Variants in XIRP1 observed in about 807,000 individuals in gnomAD.
The protein encoded by XIRP1 is xin actin binding repeat containing 1, also known as xin actin-binding repeat-containing protein 1.
For missense variants in XIRP1, 2,378 were observed against 2,345.4 expected (o/e 1.01, Z -0.29); for synonymous variants, 984 against 947.0 (o/e 1.04, Z -0.72).
In XIRP1 at chr3:39,184,612, G is replaced by C; in HGVS notation, c.4834C>G (p.Gln1612Glu). 3.7e-6 allele frequency: 6 copies of C among 1,613,764 alleles called. No individual in the cohort carries two copies. The highest frequency in any genetic ancestry group is 5.1e-6 in the Non-Finnish European group (6 of 1,179,812). The change falls in exon 2 of 2, where the codon CAA (glutamine) becomes GAA (glutamate). Residue 1612 changes from glutamine (Q) to glutamate (E), a missense_variant. Coordinates refer to ENST00000340369, the MANE Select transcript of XIRP1 (RefSeq NM_194293.4). ...TCAGTGTGGCATTCAACCTTGGCTTGGTTCTTGACTGCAGTTTGACCTCCG... is the reference window on the plus strand; with the variant it reads ...TCAGTGTGGCATTCAACCTTGGCTTCGTTCTTGACTGCAGTTTGACCTCCG... ...EVGGQTAVKN[Q>E]AKVECHTEAQ...
chr3:39,189,426 T>A lies in XIRP1; in HGVS notation c.20A>T (p.Gln7Leu), dbSNP rs1278124508. MADTQT[Q>L]VAPTPTMRMA... ...CCTCATGGTTGGTGTGGGGGCCACC[T>A]GTGTCTGGGTGTCGGCCATCCTTCT... The change falls in exon 2 of 2, where the codon CAG becomes CTG. Residue 7 changes from glutamine to leucine, a missense_variant. Gln to Leu is a moderately radical substitution (Grantham distance 113). Coordinates refer to ENST00000340369, the MANE Select transcript of XIRP1 (RefSeq NM_194293.4). 1 of 1,593,156 alleles carries A rather than the reference T, an allele frequency of 6.3e-7. No individual in the cohort carries two copies. The highest frequency in any genetic ancestry group is 2.2e-5 in the East Asian group (1 of 44,682).
At position 39,186,017 on chromosome 3, in the gene XIRP1, G is replaced by A. The variant is rs376387650; in HGVS notation, c.3429C>T (p.Tyr1143=). 93 of 1,614,042 alleles carry A rather than the reference G, an allele frequency of 5.8e-5. No individual in the cohort carries two copies. The highest frequency in any genetic ancestry group is 7.2e-5 in the Non-Finnish European group (85 of 1,180,008). ...CAAAGGTCCTCACGGGATGAGCGGT[G>A]TAGATGCCATCCTGAATTGTCACCC... ...GGWVTIQDGI[Y]TAHPVRTFDP... The change falls in exon 2 of 2, where the codon TAC becomes TAT. Residue 1143 remains tyrosine (Y), a synonymous_variant. Coordinates refer to ENST00000340369, the MANE Select transcript of XIRP1 (RefSeq NM_194293.4).
Position 39,189,094 on chromosome 3 carries a change from C to T in XIRP1, c.352G>A (p.Val118Met), listed in dbSNP as rs115823205. Reference protein sequence around the residue: ...EHERPAAKEPVLCGDVQATSR... With the variant: ...EHERPAAKEPMLCGDVQATSR... ...GTGGCCTGGACGTCACCACACAGCA[C>T]GGGCTCCTTGGCAGCTGGCCTCTCG... Residue 118 changes from valine (V) to methionine (M), a missense_variant, in exon 2 of 2, where the codon GTG (valine) becomes ATG (methionine). Physicochemically the swap from Val to Met is conservative, Grantham distance 21. Coordinates refer to ENST00000340369, the MANE Select transcript of XIRP1 (RefSeq NM_194293.4). 1.5e-3 allele frequency: 2,499 copies of T among 1,614,204 alleles called. 3 individuals are homozygous for T. The highest frequency in any genetic ancestry group is 2.3e-3 in the Middle Eastern group (14 of 6,062).
In XIRP1 at chr3:39,187,552, G is replaced by T. The variant is rs965372193; in HGVS notation, c.1894C>A (p.Pro632Thr). ...CCCACTGGCCTGTCCACAGGTTGGG[G>T]CTTGAACATCCAGGTGCAGGACTGT... The part of the protein sequence containing the change: ...EAQSCTWMFK[P>T]QPVDRPVGSR... The change falls in exon 2 of 2, where the codon CCC (proline) becomes ACC (threonine). Residue 632 changes from proline to threonine, a missense_variant. Coordinates refer to ENST00000340369, the MANE Select transcript of XIRP1 (RefSeq NM_194293.4). 1.9e-6 allele frequency: 3 copies of T among 1,613,938 alleles called. No homozygotes were observed. Among genetic ancestry groups the T allele is most frequent in the Admixed American group, 3.3e-5 (2 of 60,010 alleles).
Position 39,186,330 on chromosome 3 carries a change from G to T in XIRP1, c.3116C>A (p.Ala1039Asp). ...CCCAGGCCCCGGAGGGGTAGTCGTGGCTCCTTCTGACTTTCCCAAGACTGC... is the reference window on the plus strand; with the variant it reads ...CCCAGGCCCCGGAGGGGTAGTCGTGTCTCCTTCTGACTTTCCCAAGACTGC... ...GMAVLGKSEG[A>D]TTTPPGPGAP... Residue 1039 changes from alanine (A) to aspartate (D), a missense_variant, in exon 2 of 2, where the codon GCC (alanine) becomes GAC (aspartate). Transcript: ENST00000340369. 11 of 1,614,128 alleles carry T rather than the reference G, an allele frequency of 6.8e-6. No individual in the cohort carries two copies. The highest frequency in any genetic ancestry group is 9.3e-6 in the Non-Finnish European group (11 of 1,180,010).
intron 1 of XIRP1, among the ~76,000 whole-genome samples, chr3:39,190,564 G>T (rs536385237): frequency 6.6e-6 from 1 of 152,158 alleles, no homozygotes; most frequent in East Asian, 1.9e-4. Context: ...AGCTTCAGGG[G>T]CTCGGACTCA....
intron 1 of XIRP1, 65 bp from the exon 2 acceptor site, chr3:39,189,590 A>C: frequency 1.6e-6 from 2 of 1,236,144 alleles, no homozygotes; most frequent in Non-Finnish European, 2.2e-6. Flanking sequence ...ACGCTTAGAG[A>C]CTCCTTCCCT....
At position 39,185,299 on chromosome 3, in the gene XIRP1, C is replaced by T. The variant is rs200917704; in HGVS notation, c.4147G>A (p.Gly1383Ser). The change falls in exon 2 of 2, where the codon GGC becomes AGC. Residue 1383 changes from glycine (G) to serine (S), a missense_variant. Gly to Ser is a moderately conservative substitution (Grantham distance 56). Transcript: ENST00000340369. ...GGACATCTGGCCAGAGGTATGTGGC[C>T]CTGGTCTACAGTAGTGGGAACCTTG... ...PAKVPTTVDQ[G>S]HIPLARCPSG... The T allele has an allele frequency of 1.5e-5, 25 of 1,614,146 alleles. No homozygotes were observed. The South Asian group carries it at 2.2e-4, about 14-fold the overall frequency.
Position 39,188,816 on chromosome 3 carries a change from C to T in XIRP1, c.630G>A (p.Gln210=), listed in dbSNP as rs2040037651. ...AGCGCAGTTCCAAGGGGCTCTGCTC[C>T]TGCAGGGAGGGGCGGGAGCCCAGGC... ...LDRLGSRPSL[Q]EQSPLELRSE... is the part of the protein sequence containing the mutation. The change falls in exon 2 of 2, where the codon CAG becomes CAA. Residue 210 remains glutamine, a synonymous_variant. Transcript: ENST00000340369. 6.2e-7 allele frequency: 1 copy of T among 1,613,306 alleles called. No individual in the cohort carries two copies. The highest frequency in any genetic ancestry group is 1.3e-5 in the African/African-American group (1 of 74,956).
intron 1 of XIRP1, among the ~76,000 whole-genome samples, chr3:39,190,700 T>G (rs964135797): frequency 5.9e-5 from 9 of 151,790 alleles, no homozygotes; most frequent in African/African-American, 2.2e-4. Context: ...TCTCTGTCCA[T>G]GTATGTCTTA....
Position 39,184,959 on chromosome 3 carries a change from C to G in XIRP1, c.4487G>C (p.Arg1496Thr). ...ASSVDVQALR[R>T]LFEAVPQLGG... ...CAGCTGGGGCACGGCCTCAAAGAGCCTCCGCAGGGCCTGCACGTCCACACT... is the reference window on the plus strand; with the variant it reads ...CAGCTGGGGCACGGCCTCAAAGAGCGTCCGCAGGGCCTGCACGTCCACACT... The change falls in exon 2 of 2, where the codon AGG (arginine) becomes ACG (threonine). Residue 1496 changes from arginine to threonine, a missense_variant. Transcript: ENST00000340369. 1 of 1,547,112 alleles carries G rather than the reference C, an allele frequency of 6.5e-7. No individual in the cohort carries two copies. Among genetic ancestry groups the G allele is most frequent in the Non-Finnish European group, 8.7e-7 (1 of 1,148,860 alleles).
chr3:39,188,360 C>T lies in XIRP1; in HGVS notation c.1086G>A (p.Glu362=), dbSNP rs2040025670. The change falls in exon 2 of 2, where the codon GAG becomes GAA. Residue 362 remains glutamate, a synonymous_variant. Coordinates refer to ENST00000340369, the MANE Select transcript of XIRP1 (RefSeq NM_194293.4). The part of the protein sequence containing the change: ...RALDTLKGDE[E]AGAEAPPKEE... ...CCTTGGGTGGGGCCTCTGCTCCAGC[C>T]TCTTCGTCCCCCTTCAGAGTGTCCA... 3 of 1,614,054 alleles carry T rather than the reference C, an allele frequency of 1.9e-6. No homozygotes were observed. The African/African-American group carries it at 4.0e-5, about 22-fold the overall frequency.
Position 39,183,971 on chromosome 3 carries a change from C to A in XIRP1, c.5475G>T (p.Leu1825=). ...LHSPAGFSSD[L]TEAETVQVSC... ...ACACCTGCACCGTCTCAGCTTCTGTCAGGTCACTGCTGAACCCAGCTGGGC... is the reference window on the plus strand; with the variant it reads ...ACACCTGCACCGTCTCAGCTTCTGTAAGGTCACTGCTGAACCCAGCTGGGC... The change falls in exon 2 of 2, where the codon CTG becomes CTT. Residue 1825 remains leucine, a synonymous_variant. Coordinates refer to ENST00000340369, the MANE Select transcript of XIRP1 (RefSeq NM_194293.4). 6.2e-7 allele frequency: 1 copy of A among 1,612,364 alleles called. No homozygotes were observed. The highest frequency in any genetic ancestry group is 8.5e-7 in the Non-Finnish European group (1 of 1,179,946).
rs1414927635 is a variant in XIRP1, at chr3:39,184,580, C to G, written c.4866G>C (p.Gln1622His). 1 of 1,613,928 alleles carries G rather than the reference C, an allele frequency of 6.2e-7. No individual in the cohort carries two copies. Among genetic ancestry groups the G allele is most frequent in the Non-Finnish European group, 8.5e-7 (1 of 1,180,052 alleles). Residue 1622 changes from glutamine to histidine, a missense_variant, in exon 2 of 2, where the codon CAG becomes CAC. Physicochemically the swap from Gln to His is conservative, Grantham distance 24. Coordinates refer to ENST00000340369, the MANE Select transcript of XIRP1 (RefSeq NM_194293.4). Reference protein sequence around the residue: ...QAKVECHTEAQSQVKIRNHTE... With the variant: ...QAKVECHTEAHSQVKIRNHTE... ...TGTGATTTCTGATCTTGACTTGACT[C>G]TGGGCCTCAGTGTGGCATTCAACCT...
At chr3:39,189,651 G>A (rs2040060327) in intron 1 of XIRP1, 126 bp from the exon 2 acceptor site, 2 of 708,552 alleles carry the variant, frequency 2.8e-6, no homozygotes, top group Non-Finnish European at 4.4e-6. Context: ...ATGGTTCGTG[G>A]GCAACAGGTC....
At position 39,191,596 on chromosome 3, in the gene XIRP1, T is replaced by G. The variant is rs145856536; in HGVS notation, c.-81+850A>C. On this transcript the variant is annotated intron_variant, in intron 1 of 1. Coordinates refer to ENST00000340369, the MANE Select transcript of XIRP1 (RefSeq NM_194293.4). ...ACTCCTGGCCTTCCCACCACCATCT[T>G]TGCCTGGCTTGAGACTGCTGGGACA... Among the ~76,000 whole-genome samples, 185 of 152,296 alleles carry G rather than the reference T, an allele frequency of 1.2e-3. 2 individuals are homozygous for G. The highest frequency in any genetic ancestry group is 4.3e-3 in the African/African-American group (180 of 41,578).
chr3:39,191,403 AGACAGTTATTATCAT>A (rs2040087432), intron 1 of XIRP1, among the ~76,000 whole-genome samples: 1 of 140,794 alleles, frequency 7.1e-6, no homozygotes, highest in East Asian at 2.2e-4. Context: ...CTAAGGCCAC[AGACAGTTATTATCAT>A]GGAGTCCAGG....
rs778188841 is a variant in XIRP1 at position 39,187,473 on chromosome 3, G to A, written c.1973C>T (p.Thr658Ile). 1 of 1,614,050 alleles carries A rather than the reference G, an allele frequency of 6.2e-7. No homozygotes were observed. The highest frequency in any genetic ancestry group is 8.5e-7 in the Non-Finnish European group (1 of 1,180,042). Reference protein sequence around the residue: ...VSQVPAGERQTDRHVFETEPL... With the variant: ...VSQVPAGERQIDRHVFETEPL... ...CTCGGTCTCAAAGACGTGTCTGTCTGTCTGTCTTTCCCCAGCCGGGACCTG... is the reference window on the plus strand; with the variant it reads ...CTCGGTCTCAAAGACGTGTCTGTCTATCTGTCTTTCCCCAGCCGGGACCTG... The change falls in exon 2 of 2, where the codon ACA becomes ATA. Residue 658 changes from threonine (T) to isoleucine (I), a missense_variant. Physicochemically the swap from Thr to Ile is moderately conservative, Grantham distance 89. Coordinates refer to ENST00000340369, the MANE Select transcript of XIRP1 (RefSeq NM_194293.4).
At position 39,186,306 on chromosome 3, in the gene XIRP1, C is replaced by G; in HGVS notation, c.3140G>C (p.Gly1047Ala). 1 of 1,614,108 alleles carries G rather than the reference C, an allele frequency of 6.2e-7. No individual in the cohort carries two copies. Among genetic ancestry groups the G allele is most frequent in the South Asian group, 1.1e-5 (1 of 91,084 alleles). Residue 1047 changes from glycine (G) to alanine (A), a missense_variant, in exon 2 of 2, where the codon GGG becomes GCG. Transcript: ENST00000340369. Reference protein sequence around the residue: ...EGATTTPPGPGAPDLLAAMQS... With the variant: ...EGATTTPPGPAAPDLLAAMQS... ...CATGGCGGCCAGGAGGTCTGGGGCC[C>G]CAGGCCCCGGAGGGGTAGTCGTGGC...
Sources: gnomAD v4.1 joint callset for allele counts (sites outside exome capture counted in the v4.1 genomes callset) on GRCh38, gnomAD v4.1.1 for gene constraint, MANE v1.5 for transcripts, NCBI Gene and HGNC (gene_info 2026-07-23, HGNC 2026-07-21) for gene names.